The following USP6NL variants were observed in gnomAD, a reference collection of about 807,000 sequenced individuals.
USP6NL encodes USP6 N-terminal like, also known as USP6 N-terminal-like protein.
In USP6NL, 26 loss-of-function variants were observed where a neutral mutation model predicts 61.9. The ratio of observed to expected loss-of-function variants is 0.42; its 90% CI spans 0.31 to 0.58. The LOEUF (loss-of-function observed/expected upper bound fraction) is 0.58. Among genes scored for constraint, USP6NL ranks in the 20% least tolerant of loss-of-function variants. The pLI is 0.16. For synonymous variants in USP6NL, 432 were observed against 390.1 expected (o/e 1.11, Z -1.27); for missense variants, 1,114 against 1,034.3 (o/e 1.08, Z -1.06).
chr10:11,553,649 C>T lies in USP6NL; in HGVS notation c.5-26082G>A, dbSNP rs1041292126. On this transcript the variant is annotated intron_variant, in intron 2 of 14. Coordinates refer to ENST00000609104, the MANE Select transcript of USP6NL (RefSeq NM_014688.5). The surrounding 1 kb of genome is among the most constrained non-coding windows in gnomAD (Gnocchi z 4.8). ...GTGGCTCATGCCTGTAATCCCGGTA[C>T]GTTGGAAGGCTGAGGTGGGTGGATT... is the stretch of plus-strand genomic sequence containing the variant. 6.6e-6 allele frequency among the ~76,000 whole-genome samples: 1 copy of T among 152,050 alleles called. No homozygotes were observed. Among genetic ancestry groups the T allele is most frequent in the African/African-American group, 2.4e-5 (1 of 41,390 alleles).
Position 11,465,095 on chromosome 10 carries a change from G to A in USP6NL, c.1079-1246C>T, listed in dbSNP as rs112528207. Among the ~76,000 whole-genome samples, 39 of 152,230 alleles carry A rather than the reference G, an allele frequency of 2.6e-4. No individual in the cohort carries two copies. Among genetic ancestry groups the A allele is most frequent in the African/African-American group, 7.9e-4 (33 of 41,538 alleles). On this transcript the variant is annotated intron_variant, in intron 14 of 14. Coordinates refer to ENST00000609104, the MANE Select transcript of USP6NL (RefSeq NM_014688.5). This position sits in a 1 kb window ranked among gnomAD's most constrained non-coding sequence, Gnocchi z 4.5. Reference sequence around the variant, plus strand: ...TATATGAATGCCTTCTTCCCTGTAGGCAAATAATCCCAACAAACACAATTT... The same window carrying A: ...TATATGAATGCCTTCTTCCCTGTAGACAAATAATCCCAACAAACACAATTT...
At chr10:11,547,328 G>A (rs1056660955) in intron 2 of USP6NL, among the ~76,000 whole-genome samples, 2 of 152,086 alleles carry the variant, frequency 1.3e-5, no homozygotes, top group Non-Finnish European at 2.9e-5. Flanking sequence ...CACTATTATC[G>A]CTGCCAAATT....
At chr10:11,610,890 T>C (rs1838867051) in intron 1 of USP6NL, among the ~76,000 whole-genome samples, 1 of 152,070 alleles carries the variant, frequency 6.6e-6, no homozygotes, top group Non-Finnish European at 1.5e-5. Flanking sequence ...TTTCACGCAT[T>C]ACAAATGCCG....
At chr10:11,586,002 T>A (rs914810659) in intron 2 of USP6NL, among the ~76,000 whole-genome samples, 1 of 152,164 alleles carries the variant, frequency 6.6e-6, no homozygotes, top group Non-Finnish European at 1.5e-5. Context: ...GTGAAGAGAT[T>A]AAGGTTGCAC....
chr10:11,493,136 T>G lies in USP6NL; in HGVS notation c.477A>C (p.Arg159Ser), dbSNP rs1833770733. 1 of 1,609,906 alleles carries G rather than the reference T, an allele frequency of 6.2e-7. No individual in the cohort carries two copies. Among genetic ancestry groups the G allele is most frequent in the Non-Finnish European group, 8.5e-7 (1 of 1,177,916 alleles). Residue 159 changes from arginine (R) to serine (S), a missense_variant, in exon 8 of 15, where the codon AGA (arginine) becomes AGC (serine). By Grantham distance (110) the Arg-to-Ser change is moderately radical (BLOSUM62 -1). Coordinates refer to ENST00000609104, the MANE Select transcript of USP6NL (RefSeq NM_014688.5). ...NRTFRDHIMFRDRYGVKQQSL... is the reference protein window; with the variant it reads ...NRTFRDHIMFSDRYGVKQQSL... ...TTACTCACTTAACACCATATCTGTC[T>G]CTAAACATAATGTGGTCCCGAAATG...
chr10:11,578,755 G>C (rs1438492432), intron 2 of USP6NL, among the ~76,000 whole-genome samples: 1 of 152,168 alleles, frequency 6.6e-6, no homozygotes, highest in Non-Finnish European at 1.5e-5. Context: ...TACAATATAT[G>C]AAAATATCAT....
chr10:11,538,287 A>C (rs1290067349), intron 2 of USP6NL, among the ~76,000 whole-genome samples: 1 of 152,142 alleles, frequency 6.6e-6, no homozygotes, highest in African/African-American at 2.4e-5. Context: ...TAAGCTGCTT[A>C]GATATGCTCC....
At chr10:11,571,982 T>C (rs2133574251) in intron 2 of USP6NL, among the ~76,000 whole-genome samples, 1 of 151,310 alleles carries the variant, frequency 6.6e-6, no homozygotes, top group Admixed American at 6.6e-5. Flanking sequence ...AAATATCTTA[T>C]TTAATATATA....
rs1222826506 is a variant in USP6NL at position 11,518,915 on chromosome 10, T to C, written c.156-341A>G. 6.6e-6 allele frequency among the ~76,000 whole-genome samples: 1 copy of C among 152,224 alleles called. No individual in the cohort carries two copies. Among genetic ancestry groups the C allele is most frequent in the Non-Finnish European group, 1.5e-5 (1 of 68,042 alleles). ...TGTCACGTAGCTAGAAGCCACCATA[T>C]TGAACGGTACAGATATAGAACATTT... On this transcript the variant is annotated intron_variant, in intron 4 of 14. Coordinates refer to ENST00000609104, the MANE Select transcript of USP6NL (RefSeq NM_014688.5). This position sits in a 1 kb window ranked among gnomAD's most constrained non-coding sequence, Gnocchi z 5.3.
intron 10 of USP6NL, among the ~76,000 whole-genome samples, chr10:11,486,938 G>A (rs1164137497): frequency 6.6e-6 from 1 of 151,950 alleles, no homozygotes; most frequent in East Asian, 1.9e-4. Flanking sequence ...AATCTACTGG[G>A]CAGAATTATT....
chr10:11,554,990 G>A (rs1836628712), intron 2 of USP6NL, among the ~76,000 whole-genome samples: 1 of 92,756 alleles, frequency 1.1e-5, no homozygotes, highest in African/African-American at 3.8e-5. Context: ...TTTTTTACTA[G>A]AGATGGGGTT....
rs1833047417 is a variant in USP6NL, at chr10:11,478,201, T to A, written c.1078+3569A>T. 6.6e-6 allele frequency among the ~76,000 whole-genome samples: 1 copy of A among 152,250 alleles called. No homozygotes were observed. The highest frequency in any genetic ancestry group is 6.5e-5 in the Admixed American group (1 of 15,292). ...CGTGGCACCCCTGCTTTGACTCTGT[T>A]TGGGTCTCCTCTGCAGAGCCCCTGC... On this transcript the variant is annotated intron_variant, in intron 14 of 14. Transcript: ENST00000609104. This position sits in a 1 kb window ranked among gnomAD's most constrained non-coding sequence, Gnocchi z 6.8.
At chr10:11,550,224 T>A (rs764171437) in intron 2 of USP6NL, among the ~76,000 whole-genome samples, 3 of 152,030 alleles carry the variant, frequency 2.0e-5, no homozygotes, top group Non-Finnish European at 4.4e-5. Flanking sequence ...GTTAGCCAAA[T>A]TTTTTTTAAC....
At chr10:11,568,056 G>A (rs1837227622) in intron 2 of USP6NL, among the ~76,000 whole-genome samples, 1 of 152,130 alleles carries the variant, frequency 6.6e-6, no homozygotes, top group Non-Finnish European at 1.5e-5. Context: ...GGTCACGTGT[G>A]AAAATCTCTA....
chr10:11,507,349 A>G (rs1413231444), intron 6 of USP6NL, among the ~76,000 whole-genome samples: 15 of 152,244 alleles, frequency 9.9e-5, no homozygotes, highest in Admixed American at 9.8e-4. Flanking sequence ...CTGAGACTGC[A>G]TAATATTAAA....
intron 1 of USP6NL, among the ~76,000 whole-genome samples, chr10:11,603,729 A>G: frequency 6.6e-6 from 1 of 152,222 alleles, no homozygotes. Context: ...TAAAACAATC[A>G]AGACAAGCTT....
chr10:11,497,832 GATCC>G (rs1452435660), intron 7 of USP6NL, among the ~76,000 whole-genome samples: 2 of 152,198 alleles, frequency 1.3e-5, no homozygotes, highest in Non-Finnish European at 1.5e-5. Flanking sequence ...GGTGGGTTGA[GATCC>G]ATGAGCGTCA....
rs1205832092 is a variant in USP6NL at position 11,474,025 on chromosome 10, C to A, written c.1078+7745G>T. Among the ~76,000 whole-genome samples the A allele has an allele frequency of 6.6e-6, 1 of 152,046 alleles. No homozygotes were observed. The highest frequency in any genetic ancestry group is 1.5e-5 in the Non-Finnish European group (1 of 68,014). ...CTTCGAGATAATAAAGGCGGTGCCACCCGATGGAACTCACCTGGAGTTCCA... is the reference window on the plus strand; with the variant it reads ...CTTCGAGATAATAAAGGCGGTGCCAACCGATGGAACTCACCTGGAGTTCCA... On this transcript the variant is annotated intron_variant, in intron 14 of 14. Transcript: ENST00000609104. The surrounding 1 kb of genome is among the most constrained non-coding windows in gnomAD (Gnocchi z 4.9).
At chr10:11,509,351 A>G (rs1591862933) in intron 6 of USP6NL, among the ~76,000 whole-genome samples, 1 of 152,110 alleles carries the variant, frequency 6.6e-6, no homozygotes, top group African/African-American at 2.4e-5. Flanking sequence ...GAATTAAATC[A>G]CTCCTGAAAC....
Sources: gnomAD v4.1 joint callset for allele counts (sites outside exome capture counted in the v4.1 genomes callset) on GRCh38, gnomAD v4.1.1 for gene constraint, Gnocchi (gnomAD v3.1) non-coding constraint, MANE v1.5 for transcripts, NCBI Gene and HGNC (gene_info 2026-07-23, HGNC 2026-07-21) for gene names.